MTCH1: variants seen among roughly 807,000 people sequenced by gnomAD.
The protein encoded by MTCH1 is mitochondrial carrier 1.
Under a neutral mutation model 49.3 loss-of-function variants are expected in MTCH1, and 23 were observed. The ratio of observed to expected loss-of-function variants is 0.47; its 90% CI spans 0.34 to 0.66. The LOEUF is 0.66. Among genes scored for constraint, MTCH1 ranks in the 30% least tolerant of loss-of-function variants. The probability of loss-of-function intolerance (pLI) is 0.01; values close to 1 mark genes in which losing one functional copy is unlikely to be tolerated. For missense variants in MTCH1, 397 were observed against 532.1 expected, an observed-to-expected ratio of 0.75 and a Z score of 2.50; for synonymous variants, 229 against 215.2, an observed-to-expected ratio of 1.06 and a Z score of -0.56.
intron 6 of MTCH1, among the ~76,000 whole-genome samples, chr6:36,976,925 C>T (rs893648199): frequency 3.3e-5 from 5 of 152,186 alleles, no homozygotes; most frequent in Admixed American, 3.3e-4. Flanking sequence ...GCTCTGGGGC[C>T]AGAAATCCTA....
chr6:36,976,270 A>C (rs1308117008), intron 6 of MTCH1, among the ~76,000 whole-genome samples: 1 of 152,168 alleles, frequency 6.6e-6, no homozygotes, highest in Non-Finnish European at 1.5e-5. Context: ...TGCCCTGGCC[A>C]CTGCACCCTG....
In MTCH1 at chr6:36,986,130, C is replaced by T; in HGVS notation, c.44G>A (p.Gly15Asp). 5 of 1,435,672 alleles carry T rather than the reference C, an allele frequency of 3.5e-6. No homozygotes were observed. Among genetic ancestry groups the T allele is most frequent in the Non-Finnish European group, 4.5e-6 (5 of 1,103,486 alleles). The allele number at this position is 1,435,672 out of a possible 1,614,324, so 88.9% of individuals were successfully genotyped here. ...TCCGGCTCCCGCCATCCCCGCGGCA[C>T]CGCCGCGAGCCCAGGGCGCCACTTC... ...DPEVAPWARG[G>D]AAGMAGAGAG... Residue 15 changes from glycine (G) to aspartate (D), a missense_variant, in exon 1 of 12, where the codon GGT becomes GAT. This residue lies in a region of MTCH1 where 145 missense variants were observed against 143.8 expected (regional missense o/e 1.01). Coordinates refer to ENST00000373627, the MANE Select transcript of MTCH1 (RefSeq NM_001271641.2).
intron 3 of MTCH1, 63 bp from the exon 4 acceptor site, chr6:36,978,218 C>G (rs1763960056): frequency 7.0e-7 from 1 of 1,432,298 alleles, no homozygotes; most frequent in Non-Finnish European, 9.8e-7. Context: ...TCTTCGGGGA[C>G]TTGGGCGGCA....
rs146229229 is a variant in MTCH1, at chr6:36,969,352, T to C, written c.1099-378A>G. ...CTCCTCCCTGCTTCCCTCCCATCTG[T>C]CCTCTTCTCAGCCTCGAGGCCACTC... On this transcript the variant is annotated intron_variant, in intron 11 of 11. Coordinates refer to ENST00000373627, the MANE Select transcript of MTCH1 (RefSeq NM_001271641.2). The C allele has an allele frequency of 5.7e-4, 629 of 1,097,578 alleles. 6 individuals are homozygous for C. In the South Asian group the frequency reaches 0.011, roughly 19 times the overall value. The allele number at this position is 1,097,578 out of a possible 1,614,324, so 68.0% of individuals were successfully genotyped here.
In MTCH1 at chr6:36,977,100, T is replaced by G. The variant is rs573606226; in HGVS notation, c.701+99A>C. 1 of 1,280,310 alleles carries G rather than the reference T, an allele frequency of 7.8e-7. No homozygotes were observed. Among genetic ancestry groups the G allele is most frequent in the South Asian group, 1.2e-5 (1 of 83,508 alleles). 79.3% of individuals were successfully genotyped at this position (1,280,310 alleles called of 1,614,324 possible). ...GCAGCAGGCTGAACTCACACAGCACTAGGGCAGAAAAGGTGCAGCAACCAA... is the reference window on the plus strand; with the variant it reads ...GCAGCAGGCTGAACTCACACAGCACGAGGGCAGAAAAGGTGCAGCAACCAA... On this transcript the variant is annotated intron_variant, in intron 6 of 11. Coordinates refer to ENST00000373627, the MANE Select transcript of MTCH1 (RefSeq NM_001271641.2). This position sits in a 1 kb window ranked among gnomAD's most constrained non-coding sequence, Gnocchi z 5.4.
At position 36,977,383 on chromosome 6, in the gene MTCH1, C is replaced by G. The variant is rs570079346; in HGVS notation, c.650-133G>C. ...TTCAGAGAGCAGGAGAGGAAGAGGG[C>G]CTTTCGGATTCCCTGTTACACCCCA... On this transcript the variant is annotated intron_variant, in intron 5 of 11. Transcript: ENST00000373627. This position sits in a 1 kb window ranked among gnomAD's most constrained non-coding sequence, Gnocchi z 5.4. 49 of 914,276 alleles carry G rather than the reference C, an allele frequency of 5.4e-5. No individual in the cohort carries two copies. The highest frequency in any genetic ancestry group is 2.1e-5 in the Admixed American group (1 of 47,954). 56.6% of individuals were successfully genotyped at this position (914,276 alleles called of 1,614,324 possible).
In MTCH1 at chr6:36,978,624, A is replaced by G; in HGVS notation, c.407-13T>C. On this transcript the variant is annotated splice_polypyrimidine_tract_variant and intron_variant, in intron 2 of 11. Transcript: ENST00000373627. ...ACGATGTACTTGGCTGTAAGAAAAC[A>G]GAGGTGGCAGAGGAGTCACACCCAG... The G allele has an allele frequency of 6.2e-7, 1 of 1,611,808 alleles. No individual in the cohort carries two copies. The highest frequency in any genetic ancestry group is 1.1e-5 in the South Asian group (1 of 90,902).
In MTCH1 at chr6:36,970,970, C is replaced by G. The variant is rs559120814; in HGVS notation, c.907-276G>C. On this transcript the variant is annotated intron_variant, in intron 8 of 11. Coordinates refer to ENST00000373627, the MANE Select transcript of MTCH1 (RefSeq NM_001271641.2). Reference sequence around the variant, plus strand: ...GACTGTGAGCCTCAAGGGCTGAGCCCGTGTCTGCCTGATCAACATCCAGGG... The same window carrying G: ...GACTGTGAGCCTCAAGGGCTGAGCCGGTGTCTGCCTGATCAACATCCAGGG... 5 of 514,392 alleles carry G rather than the reference C, an allele frequency of 9.7e-6. No individual in the cohort carries two copies. The East Asian group carries it at 1.4e-4, about 14-fold the overall frequency. 31.9% of individuals were successfully genotyped at this position (514,392 alleles called of 1,614,324 possible).
chr6:36,972,595 C>A lies in MTCH1; in HGVS notation c.906+57G>T. The A allele has an allele frequency of 6.6e-7, 1 of 1,519,292 alleles. No homozygotes were observed. The allele number at this position is 1,519,292 out of a possible 1,614,324, so 94.1% of individuals were successfully genotyped here. On this transcript the variant is annotated intron_variant, in intron 8 of 11. Transcript: ENST00000373627. The surrounding 1 kb of genome is among the most constrained non-coding windows in gnomAD (Gnocchi z 4.1). ...AATCCCAGAATCCTTGAGTTTGTCC[C>A]AGACCCTGGGCATCAGCAGCACACG...
chr6:36,968,725 C>G lies in MTCH1; in HGVS notation c.*178G>C, dbSNP rs750462049. ...GGGTGACCCAATCCACTGGGTGCAGCCCCACCCCCGCTCAACCCCACATCT... is the reference window on the plus strand; with the variant it reads ...GGGTGACCCAATCCACTGGGTGCAGGCCCACCCCCGCTCAACCCCACATCT... On this transcript the variant is annotated 3_prime_UTR_variant, in exon 12 of 12. Coordinates refer to ENST00000373627, the MANE Select transcript of MTCH1 (RefSeq NM_001271641.2). 8.8e-5 allele frequency: 91 copies of G among 1,031,330 alleles called. No individual in the cohort carries two copies. Among genetic ancestry groups the G allele is most frequent in the Non-Finnish European group, 1.3e-4 (86 of 683,274 alleles). The allele number at this position is 1,031,330 out of a possible 1,614,324, so 63.9% of individuals were successfully genotyped here. A position where few individuals can be genotyped will look rare whatever the true frequency, so the allele number is the denominator to read the frequency against.
chr6:36,976,791 G>A (rs962633117), intron 6 of MTCH1, among the ~76,000 whole-genome samples: 4 of 152,210 alleles, frequency 2.6e-5, no homozygotes, highest in Non-Finnish European at 5.9e-5. Flanking sequence ...CAAGCCCATG[G>A]GGTGGATGGC....
rs3822973 is a variant in MTCH1, at chr6:36,984,089, C to T, written c.321+1764G>A. ...GATGAAGCCACTTCTTCATTTCCCTCACACTGAGCCCTTGTGCTCCAGTAT... is the reference window on the plus strand; with the variant it reads ...GATGAAGCCACTTCTTCATTTCCCTTACACTGAGCCCTTGTGCTCCAGTAT... On this transcript the variant is annotated intron_variant, in intron 1 of 11. Transcript: ENST00000373627. Among the ~76,000 whole-genome samples the T allele has an allele frequency of 0.013, 2,007 of 152,256 alleles. 68 individuals carry two copies. In the East Asian group the frequency reaches 0.15, roughly 12 times the overall value.
In MTCH1 at chr6:36,968,850, C is replaced by A; in HGVS notation, c.*53G>T. ...CGTCTTGCAGGTGTCCCAAGGTGGT[C>A]AGGCCTCACCCACGGTGGCCAGGTT... On this transcript the variant is annotated 3_prime_UTR_variant, in exon 12 of 12. Transcript: ENST00000373627. 6.2e-7 allele frequency: 1 copy of A among 1,612,342 alleles called. No individual in the cohort carries two copies. The highest frequency in any genetic ancestry group is 1.1e-5 in the South Asian group (1 of 90,900).
At position 36,974,356 on chromosome 6, in the gene MTCH1, A is replaced by G. The variant is rs1358180538; in HGVS notation, c.761+1302T>C. On this transcript the variant is annotated intron_variant, in intron 7 of 11. Coordinates refer to ENST00000373627, the MANE Select transcript of MTCH1 (RefSeq NM_001271641.2). ...GCTAGGACTACAGGTGCATGCCGCC[A>G]CGGCCAACTAATTTTTAAAAACATT... 3.9e-5 allele frequency among the ~76,000 whole-genome samples: 6 copies of G among 152,104 alleles called. 1 individual carries two copies. Among genetic ancestry groups the G allele is most frequent in the Admixed American group, 3.9e-4 (6 of 15,268 alleles).
At position 36,977,997 on chromosome 6, in the gene MTCH1, C is replaced by A; in HGVS notation, c.591+81G>T. ...ACAAGGACCCAACTCTTCGACTTGT[C>A]AATGACCCGCCCAACTTGGGGGTGA... On this transcript the variant is annotated intron_variant, in intron 4 of 11. Transcript: ENST00000373627. The surrounding 1 kb of genome is among the most constrained non-coding windows in gnomAD (Gnocchi z 5.4). The A allele has an allele frequency of 7.7e-7, 1 of 1,300,030 alleles. No homozygotes were observed. The highest frequency in any genetic ancestry group is 1.2e-5 in the South Asian group (1 of 83,656). The allele number at this position is 1,300,030 out of a possible 1,614,324, so 80.5% of individuals were successfully genotyped here.
intron 2 of MTCH1, among the ~76,000 whole-genome samples, chr6:36,979,207 G>T (rs1764004276): frequency 6.6e-6 from 1 of 152,072 alleles, no homozygotes; most frequent in Non-Finnish European, 1.5e-5. Flanking sequence ...GCATTGATTA[G>T]TCAAGGGAAA....
chr6:36,976,482 G>A (rs1360028667), intron 6 of MTCH1: 5 of 470,200 alleles, frequency 1.1e-5, no homozygotes, highest in East Asian at 1.4e-4. Flanking sequence ...ATACCCTTCT[G>A]GTCCCAACTA....
chr6:36,970,847 A>C (rs1052453035), intron 8 of MTCH1, 153 bp from the exon 9 acceptor site: 7 of 873,016 alleles, frequency 8.0e-6, no homozygotes, highest in African/African-American at 6.6e-5. Flanking sequence ...TGCCCAGAGA[A>C]GGCCTGGGGG....
In MTCH1 at chr6:36,986,081, T is replaced by A; in HGVS notation, c.93A>T (p.Gly31=). 1 of 1,431,318 alleles carries A rather than the reference T, an allele frequency of 7.0e-7. No individual in the cohort carries two copies. Among genetic ancestry groups the A allele is most frequent in the South Asian group, 1.4e-5 (1 of 69,370 alleles). The allele number at this position is 1,431,318 out of a possible 1,614,324, so 88.7% of individuals were successfully genotyped here. ...GAGAGAGARG[G]AAAGVEARAR... Reference sequence around the variant, plus strand: ...CTCGAGCCTCGACCCCCGCCGCCGCTCCGCCGCGAGCTCCGGCTCCAGCTC... The same window carrying A: ...CTCGAGCCTCGACCCCCGCCGCCGCACCGCCGCGAGCTCCGGCTCCAGCTC... Residue 31 remains glycine, a synonymous_variant, in exon 1 of 12, where the codon GGA becomes GGT. Coordinates refer to ENST00000373627, the MANE Select transcript of MTCH1 (RefSeq NM_001271641.2).
Sources: gnomAD v4.1 joint callset for allele counts (sites outside exome capture counted in the v4.1 genomes callset) on GRCh38, gnomAD v4.1.1 for gene constraint, gnomAD v4.1.1 regional missense constraint, Gnocchi (gnomAD v3.1) non-coding constraint, MANE v1.5 for transcripts, NCBI Gene and HGNC (gene_info 2026-07-23, HGNC 2026-07-21) for gene names.